Variants in GRIK1 observed in about 807,000 individuals in gnomAD.
GRIK1 encodes glutamate ionotropic receptor kainate type subunit 1, also known as glutamate receptor ionotropic, kainate 1.
Under a neutral mutation model 105.7 loss-of-function variants are expected in GRIK1, and 69 were observed. The ratio of observed to expected loss-of-function variants is 0.65; its 90% CI spans 0.54 to 0.80. GRIK1 has a LOEUF of 0.80. GRIK1 is among the 30% of genes least tolerant of loss of function. GRIK1 has a pLI of 0.00. For missense variants in GRIK1, 1,109 were observed against 1,167.3 expected (o/e 0.95, Z 0.73); for synonymous variants, 438 against 431.3 (o/e 1.02, Z -0.19).
chr21:29,725,073 T>C (rs2064421769), intron 1 of GRIK1, among the ~76,000 whole-genome samples: 1 of 151,876 alleles, frequency 6.6e-6, no homozygotes, highest in Non-Finnish European at 1.5e-5. Context: ...AATTACACCT[T>C]TTCTGAGAGT....
chr21:29,651,168 G>C lies in GRIK1; in HGVS notation c.904C>G (p.Leu302Val), dbSNP rs773149240. The C allele has an allele frequency of 3.5e-5, 57 of 1,613,820 alleles. No homozygotes were observed. Among genetic ancestry groups the C allele is most frequent in the Non-Finnish European group, 4.5e-5 (53 of 1,179,842 alleles). ...GTCTCGGGCCTGGGTGGGGCCTGCA[G>C]TCTCTCCATGGACCACTTCTCAATG... ...SIIEKWSMER[L>V]QAPPRPETGL... The change falls in exon 6 of 18, where the codon CTG becomes GTG. Residue 302 changes from leucine to valine, a missense_variant. Around this residue, in one of 5 missense-constraint regions of GRIK1, gnomAD observed 612 missense variants for 586.0 expected, o/e 1.04. Coordinates refer to ENST00000327783, the MANE Select transcript of GRIK1 (RefSeq NM_001330994.2).
intron 7 of GRIK1, among the ~76,000 whole-genome samples, chr21:29,608,289 G>T (rs890149721): frequency 2.0e-5 from 3 of 152,074 alleles, no homozygotes; most frequent in Non-Finnish European, 4.4e-5. Flanking sequence ...AAAGTGAAAA[G>T]AAAATATGTT....
intron 1 of GRIK1, among the ~76,000 whole-genome samples, chr21:29,771,445 T>C (rs936735722): frequency 2.0e-5 from 3 of 152,248 alleles, no homozygotes; most frequent in Non-Finnish European, 4.4e-5. Flanking sequence ...TAATTGATTT[T>C]TGTTTCAAGA....
intron 9 of GRIK1, chr21:29,596,111 G>A: frequency 6.2e-6 from 2 of 325,010 alleles, no homozygotes; most frequent in Non-Finnish European, 1.2e-5. Context: ...GCCTTCTGAG[G>A]CTGTAGCCTA....
intron 1 of GRIK1, among the ~76,000 whole-genome samples, chr21:29,938,931 G>C (rs457406): frequency 0.9 from 137,603 of 152,062 alleles, 62,397 homozygotes; most frequent in African/African-American, 0.96. Context: ...TCCCTGTATT[G>C]TATTCTTGAG....
intron 13 of GRIK1, among the ~76,000 whole-genome samples, chr21:29,580,810 C>A (rs540038940): frequency 6.6e-6 from 1 of 152,122 alleles, no homozygotes; most frequent in African/African-American, 2.4e-5. Context: ...AATAGCTCCC[C>A]CTTCCCCCAC....
intron 1 of GRIK1, among the ~76,000 whole-genome samples, chr21:29,821,183 A>G (rs764947390): frequency 1.3e-5 from 2 of 152,054 alleles, no homozygotes; most frequent in Non-Finnish European, 2.9e-5. Flanking sequence ...TGTATATTCT[A>G]TGTATTAGAT....
chr21:29,676,077 T>TA (rs1212992928), intron 3 of GRIK1, among the ~76,000 whole-genome samples: 26 of 152,222 alleles, frequency 1.7e-4, no homozygotes, highest in African/African-American at 5.5e-4. Context: ...CATCAACTTT[T>TA]ACAGTTGTTT....
chr21:29,638,690 A>G (rs2062448332), intron 7 of GRIK1, among the ~76,000 whole-genome samples: 1 of 152,236 alleles, frequency 6.6e-6, no homozygotes, highest in South Asian at 2.1e-4. Flanking sequence ...TTATACATGT[A>G]CATTTTTTCT....
chr21:29,777,468 G>T (rs2065974920), intron 1 of GRIK1, among the ~76,000 whole-genome samples: 1 of 152,212 alleles, frequency 6.6e-6, no homozygotes, highest in South Asian at 2.1e-4. Flanking sequence ...CTAGAAGGAT[G>T]TGTGGACAGA....
At chr21:29,819,587 T>G (rs2067243864) in intron 1 of GRIK1, among the ~76,000 whole-genome samples, 1 of 152,028 alleles carries the variant, frequency 6.6e-6, no homozygotes, top group South Asian at 2.1e-4. Context: ...CCAATCAAAT[T>G]GCATTCAACC....
intron 7 of GRIK1, among the ~76,000 whole-genome samples, chr21:29,634,493 A>C (rs569701766): frequency 3.0e-4 from 46 of 152,338 alleles, no homozygotes; most frequent in African/African-American, 1.1e-3. Flanking sequence ...AAATGTGTTA[A>C]GAATTTGCTA....
chr21:29,893,615 C>G (rs1288631982), intron 1 of GRIK1, among the ~76,000 whole-genome samples: 1 of 152,214 alleles, frequency 6.6e-6, no homozygotes, highest in Non-Finnish European at 1.5e-5. Context: ...TAAATGCTCA[C>G]TATATGTAGG....
Position 29,570,669 on chromosome 21 carries a change from G to C in GRIK1, c.2130+6295C>G, listed in dbSNP as rs138087784. 2.4e-3 allele frequency among the ~76,000 whole-genome samples: 368 copies of C among 152,210 alleles called. 1 individual carries two copies. The highest frequency in any genetic ancestry group is 8.6e-3 in the African/African-American group (357 of 41,544). ...TACCTGAACACTTGATAAATGTTCT[G>C]CCTCCCTTTAACCTTGGCCAGCTAA... On this transcript the variant is annotated intron_variant, in intron 14 of 17. Coordinates refer to ENST00000327783, the MANE Select transcript of GRIK1 (RefSeq NM_001330994.2).
chr21:29,634,794 G>C (rs1455333627), intron 7 of GRIK1, among the ~76,000 whole-genome samples: 1 of 152,110 alleles, frequency 6.6e-6, no homozygotes, highest in East Asian at 1.9e-4. Flanking sequence ...AGGCTGAAAG[G>C]TATATGACAA....
chr21:29,679,419 C>G (rs2063331377), intron 3 of GRIK1, among the ~76,000 whole-genome samples: 1 of 152,122 alleles, frequency 6.6e-6, no homozygotes, highest in Admixed American at 6.5e-5. Flanking sequence ...CTGTCTGGTG[C>G]TCATTTCCTT....
Position 29,687,562 on chromosome 21 carries a change from T to C in GRIK1, c.544+2166A>G, listed in dbSNP as rs363542. Among the ~76,000 whole-genome samples the C allele has an allele frequency of 3.6e-3, 547 of 152,358 alleles. 1 individual carries two copies. The highest frequency in any genetic ancestry group is 0.013 in the African/African-American group (523 of 41,586). ...TTGAATCATCTCTCAATGGGCGACA[T>C]ACGAAATCATTTTGGATTGTAAATT... On this transcript the variant is annotated intron_variant, in intron 3 of 17. Transcript: ENST00000327783.
At chr21:29,861,628 C>G (rs763864926) in intron 1 of GRIK1, 27 of 440,478 alleles carry the variant, frequency 6.1e-5, no homozygotes, top group South Asian at 4.5e-4. Context: ...TAATCAAACT[C>G]ATTCCCTTCT....
intron 1 of GRIK1, among the ~76,000 whole-genome samples, chr21:29,887,275 T>A (rs1304966668): frequency 6.6e-6 from 1 of 152,188 alleles, no homozygotes; most frequent in Non-Finnish European, 1.5e-5. Context: ...TTAATTCACA[T>A]GAAATAAGTG....
Sources: gnomAD v4.1 joint callset for allele counts (sites outside exome capture counted in the v4.1 genomes callset) on GRCh38, gnomAD v4.1.1 for gene constraint, gnomAD v4.1.1 regional missense constraint, MANE v1.5 for transcripts, NCBI Gene and HGNC (gene_info 2026-07-23, HGNC 2026-07-21) for gene names.